TNIK: variants seen among roughly 807,000 people sequenced by gnomAD.
TNIK encodes the protein TRAF2 and NCK interacting kinase.
Under a neutral mutation model 191.3 loss-of-function variants are expected in TNIK, and 49 were observed. The ratio of observed to expected loss-of-function variants is 0.26; its 90% CI spans 0.20 to 0.32. The LOEUF is 0.32. TNIK is among the 10% of genes least tolerant of loss of function. TNIK has a pLI of 1.00. For synonymous variants in TNIK, 594 were observed against 600.9 expected, an observed-to-expected ratio of 0.99 and a Z score of 0.17; for missense variants, 1,155 against 1,702.3, an observed-to-expected ratio of 0.68 and a Z score of 5.66.
intron 9 of TNIK, among the ~76,000 whole-genome samples, chr3:171,168,829 T>G (rs902364842): frequency 6.6e-6 from 1 of 152,216 alleles, no homozygotes; most frequent in South Asian, 2.1e-4. Context: ...CTTTGCATCA[T>G]GAGCACACTA....
intron 2 of TNIK, 33 bp from the exon 3 acceptor site, chr3:171,228,254 T>A (rs774370059): frequency 6.2e-7 from 1 of 1,612,710 alleles, no homozygotes; most frequent in Non-Finnish European, 8.5e-7. Flanking sequence ...AAAGATTTAG[T>A]TCTGATGATG....
chr3:171,442,935 A>G (rs1235085787), intron 1 of TNIK, among the ~76,000 whole-genome samples: 1 of 152,352 alleles, frequency 6.6e-6, no homozygotes, highest in South Asian at 2.1e-4. Flanking sequence ...TGATGGCTAC[A>G]ATACCAGCAC....
At chr3:171,241,201 T>G (rs1744943875) in intron 2 of TNIK, among the ~76,000 whole-genome samples, 1 of 152,142 alleles carries the variant, frequency 6.6e-6, no homozygotes, top group Admixed American at 6.5e-5. Context: ...CAGTTAATTT[T>G]GTACTTTTAG....
intron 3 of TNIK, among the ~76,000 whole-genome samples, chr3:171,221,515 C>G (rs1742343992): frequency 1.3e-5 from 2 of 152,264 alleles, no homozygotes; most frequent in Admixed American, 1.3e-4. Flanking sequence ...ACTCTGTACA[C>G]TGCTTGGAAG....
In TNIK at chr3:171,162,703, A is replaced by T. The variant is rs182771766; in HGVS notation, c.950-1367T>A. ...TACTCTGTTCTCTCATTTATTTTTCATAATAACCCTCCAAATTAGTGTCTA... is the reference window on the plus strand; with the variant it reads ...TACTCTGTTCTCTCATTTATTTTTCTTAATAACCCTCCAAATTAGTGTCTA... On this transcript the variant is annotated intron_variant, in intron 10 of 32. Coordinates refer to ENST00000436636, the MANE Select transcript of TNIK (RefSeq NM_015028.4). Among the ~76,000 whole-genome samples, 181 of 152,328 alleles carry T rather than the reference A, an allele frequency of 1.2e-3. No individual in the cohort carries two copies. The Middle Eastern group carries it at 0.014, about 11-fold the overall frequency.
chr3:171,413,759 G>C (rs1015552220), intron 1 of TNIK, among the ~76,000 whole-genome samples: 1 of 152,172 alleles, frequency 6.6e-6, no homozygotes, highest in Non-Finnish European at 1.5e-5. Context: ...AGAGCACATG[G>C]TTAAGAGTAC....
chr3:171,415,715 T>C (rs1479527220), intron 1 of TNIK, among the ~76,000 whole-genome samples: 6 of 151,888 alleles, frequency 4.0e-5, no homozygotes, highest in Non-Finnish European at 5.9e-5. Flanking sequence ...GCACGATGAC[T>C]CAAGCCTCTA....
intron 12 of TNIK, among the ~76,000 whole-genome samples, chr3:171,145,187 C>T (rs1017807226): frequency 2.6e-5 from 4 of 151,580 alleles, no homozygotes; most frequent in African/African-American, 7.3e-5. Context: ...CCCGGGTTCA[C>T]GCCATTCTCC....
chr3:171,074,211 G>A (rs532447988), intron 28 of TNIK, among the ~76,000 whole-genome samples: 1 of 152,096 alleles, frequency 6.6e-6, no homozygotes, highest in Non-Finnish European at 1.5e-5. Context: ...CGTGCCCTTG[G>A]CAGCAACGTG....
At chr3:171,403,272 A>G (rs1319717381) in intron 1 of TNIK, among the ~76,000 whole-genome samples, 1 of 152,288 alleles carries the variant, frequency 6.6e-6, no homozygotes, top group Non-Finnish European at 1.5e-5. Context: ...GAACTACACT[A>G]GTGATGAGTA....
In TNIK at chr3:171,211,152, G is replaced by A; in HGVS notation, c.270C>T (p.Ile90=). 2 of 1,612,824 alleles carry A rather than the reference G, an allele frequency of 1.2e-6. No homozygotes were observed. Among genetic ancestry groups the A allele is most frequent in the Non-Finnish European group, 1.7e-6 (2 of 1,179,482 alleles). ...CATCCATGCCTGGTGGGTTCTTTTTGATAAAAGCACCATAGTATGTAGCAA... is the reference window on the plus strand; with the variant it reads ...CATCCATGCCTGGTGGGTTCTTTTTAATAAAAGCACCATAGTATGTAGCAA... ...RNIATYYGAF[I]KKNPPGMDDQ... The change falls in exon 4 of 33, where the codon ATC becomes ATT. Residue 90 remains isoleucine (I), a synonymous_variant. Coordinates refer to ENST00000436636, the MANE Select transcript of TNIK (RefSeq NM_015028.4).
At chr3:171,391,524 TA>T (rs1289762529) in intron 1 of TNIK, among the ~76,000 whole-genome samples, 1 of 152,212 alleles carries the variant, frequency 6.6e-6, no homozygotes, top group Admixed American at 6.5e-5. Flanking sequence ...TTGACTGTAA[TA>T]AATCTTATCT....
intron 7 of TNIK, among the ~76,000 whole-genome samples, chr3:171,187,929 G>A (rs1254673829): frequency 6.6e-6 from 1 of 152,168 alleles, no homozygotes; most frequent in East Asian, 1.9e-4. Flanking sequence ...CCCACACACA[G>A]TTCCTAGATC....
At chr3:171,318,029 G>C (rs939732323) in intron 2 of TNIK, among the ~76,000 whole-genome samples, 6 of 152,118 alleles carry the variant, frequency 3.9e-5, no homozygotes, top group African/African-American at 1.4e-4. Flanking sequence ...AGCTCAGGGG[G>C]CTCAAATAAC....
intron 1 of TNIK, among the ~76,000 whole-genome samples, chr3:171,375,407 T>C (rs942448544): frequency 6.6e-6 from 1 of 152,226 alleles, no homozygotes; most frequent in Admixed American, 6.5e-5. Context: ...ACCCACCACA[T>C]GCTTAGCAAA....
chr3:171,155,508 G>A (rs1450595252), intron 12 of TNIK, among the ~76,000 whole-genome samples: 2 of 152,238 alleles, frequency 1.3e-5, no homozygotes, highest in African/African-American at 4.8e-5. Context: ...TACAGCAAAA[G>A]GCTTGTGCCC....
At chr3:171,064,024 A>G in intron 32 of TNIK, 60 bp from the exon 33 acceptor site, 1 of 1,519,480 alleles carries the variant, frequency 6.6e-7, no homozygotes, top group Non-Finnish European at 9.1e-7. Context: ...CTTTTCTTCA[A>G]CCGTCCATCC....
rs534956969 is a variant in TNIK at position 171,414,378 on chromosome 3, C to T, written c.58-44693G>A. On this transcript the variant is annotated intron_variant, in intron 1 of 32. Coordinates refer to ENST00000436636, the MANE Select transcript of TNIK (RefSeq NM_015028.4). ...TAAGAAGCATTGTACCTTGAAGTAA[C>T]TATTTGTCATTCCCCTTCCAAATGA... Among the ~76,000 whole-genome samples the T allele has an allele frequency of 2.6e-5, 4 of 152,366 alleles. No homozygotes were observed. In the South Asian group the frequency reaches 8.3e-4, roughly 32 times the overall value.
chr3:171,138,070 G>A, intron 15 of TNIK, 121 bp downstream of exon 15: 2 of 871,610 alleles, frequency 2.3e-6, no homozygotes, highest in Non-Finnish European at 3.1e-6. Flanking sequence ...AGCAAAGCAT[G>A]TGTCTTATGA....
Sources: gnomAD v4.1 joint callset for allele counts (sites outside exome capture counted in the v4.1 genomes callset) on GRCh38, gnomAD v4.1.1 for gene constraint, MANE v1.5 for transcripts, NCBI Gene and HGNC (gene_info 2026-07-23, HGNC 2026-07-21) for gene names.